Variants in IGFBP6 observed in about 807,000 individuals in gnomAD.
IGFBP6 encodes insulin like growth factor binding protein 6.
Under a neutral mutation model 24.5 loss-of-function variants are expected in IGFBP6, and 24 were observed. The observed-to-expected ratio is 0.98, with a 90% CI of 0.71 to 1.38. IGFBP6 has a LOEUF of 1.38. Among genes scored for constraint, IGFBP6 ranks in the 40% most tolerant of loss-of-function variants. The pLI is 0.00. For missense variants in IGFBP6, 331 were observed against 324.8 expected, an observed-to-expected ratio of 1.02 and a Z score of -0.15; for synonymous variants, 147 against 137.4, an observed-to-expected ratio of 1.07 and a Z score of -0.49.
At position 53,097,923 on chromosome 12, in the gene IGFBP6, A is replaced by G; in HGVS notation, c.206A>G (p.Gln69Arg). The change falls in exon 1 of 4, where the codon CAG (glutamine) becomes CGG (arginine). Residue 69 changes from glutamine to arginine, a missense_variant. Coordinates refer to ENST00000301464, the MANE Select transcript of IGFBP6 (RefSeq NM_002178.3). ...GAGGGCTGTCTCAGGAGGGAGGGGC[A>G]GGAGTGCGGGGTCTACACCCCTAAC... ...EAEGCLRREG[Q>R]ECGVYTPNCA... The G allele has an allele frequency of 6.6e-7, 1 of 1,514,350 alleles. No homozygotes were observed. The highest frequency in any genetic ancestry group is 2.5e-5 in the East Asian group (1 of 40,268). 93.8% of individuals were successfully genotyped at this position (1,514,350 alleles called of 1,614,324 possible).
chr12:53,100,700 TTCC>T lies in IGFBP6; in HGVS notation c.335-5_335-3del. 6.2e-7 allele frequency: 1 copy of T among 1,613,794 alleles called. No homozygotes were observed. The highest frequency in any genetic ancestry group is 2.2e-5 in the East Asian group (1 of 44,884). On this transcript the variant is annotated splice_polypyrimidine_tract_variant and intron_variant, in intron 1 of 3. Coordinates refer to ENST00000301464, the MANE Select transcript of IGFBP6 (RefSeq NM_002178.3). ...TGATTTCTGACCTCTCCTTCTCCTA[TTCC>T]TCCTCCAGTTGCAGAGGAGAATCCT...
At position 53,098,050 on chromosome 12, in the gene IGFBP6, TG is replaced by T; in HGVS notation, c.334+1del. ...GRCLPARAPA[V>X]AEENPKESKP... is the part of the protein sequence containing the mutation. The stretch of plus-strand genomic sequence containing the variant: ...GCTGCCTTCCGGCCCGCGCGCCTGC[TG>T]GTGAGTCCGCGCCCCGCCCCTGCCC... On this transcript the variant is annotated frameshift_variant and splice_region_variant, in exon 1 of 4. Transcript: ENST00000301464. LOFTEE classifies it high-confidence loss of function. 1 of 1,444,566 alleles carries T rather than the reference TG, an allele frequency of 6.9e-7. No individual in the cohort carries two copies. The highest frequency in any genetic ancestry group is 2.7e-5 in the Admixed American group (1 of 36,866). The allele number at this position is 1,444,566 out of a possible 1,614,324, so 89.5% of individuals were successfully genotyped here.
intron 1 of IGFBP6, among the ~76,000 whole-genome samples, chr12:53,099,807 A>AGTAATTAATTAT (rs1937797392): frequency 6.6e-6 from 1 of 151,184 alleles, no homozygotes; most frequent in Non-Finnish European, 1.5e-5. Flanking sequence ...TAATTAATTA[A>AGTAATTAATTAT]TTTTTTAAAA....
intron 1 of IGFBP6, among the ~76,000 whole-genome samples, chr12:53,099,497 G>C (rs1937792384): frequency 6.6e-6 from 1 of 152,200 alleles, no homozygotes; most frequent in Non-Finnish European, 1.5e-5. Context: ...TCTCAGGCCT[G>C]GGAGGGGTGG....
Position 53,102,170 on chromosome 12 carries a change from C to G in IGFBP6, c.*3C>G, listed in dbSNP as rs1937842865. ...GCCCCACTGGGAGTAGCGGCTAAAGCTGGGGGATAGAGGGGCTGCAGGGCC... is the reference window on the plus strand; with the variant it reads ...GCCCCACTGGGAGTAGCGGCTAAAGGTGGGGGATAGAGGGGCTGCAGGGCC... On this transcript the variant is annotated 3_prime_UTR_variant, in exon 4 of 4. Transcript: ENST00000301464. The G allele has an allele frequency of 3.1e-6, 5 of 1,613,720 alleles. No individual in the cohort carries two copies. The highest frequency in any genetic ancestry group is 4.2e-6 in the Non-Finnish European group (5 of 1,179,892).
intron 2 of IGFBP6, 80 bp downstream of exon 2, chr12:53,100,937 A>G: frequency 6.2e-7 from 1 of 1,606,142 alleles, no homozygotes; most frequent in Non-Finnish European, 8.5e-7. Context: ...TTGGGCTTGG[A>G]GACGTCTCCA....
intron 1 of IGFBP6, 117 bp from the exon 2 acceptor site, chr12:53,100,595 T>A: frequency 1.1e-6 from 1 of 891,458 alleles, no homozygotes; most frequent in South Asian, 1.5e-5. Context: ...GCCAGCATCA[T>A]GCAACAGCGG....
chr12:53,101,121 G>T lies in IGFBP6; in HGVS notation c.561G>T (p.Val187=), dbSNP rs1400569748. ...EVYRGAQTLY[V]PNCDHRGFYR... ...ACCGAGGGGCTCAAACACTCTACGT[G>T]CCCAATTGTGACCATCGAGGCTTCT... The change falls in exon 3 of 4, where the codon GTG becomes GTT. Residue 187 remains valine, a synonymous_variant. Coordinates refer to ENST00000301464, the MANE Select transcript of IGFBP6 (RefSeq NM_002178.3). 2 of 1,614,166 alleles carry T rather than the reference G, an allele frequency of 1.2e-6. No individual in the cohort carries two copies. The highest frequency in any genetic ancestry group is 8.5e-7 in the Non-Finnish European group (1 of 1,180,016).
rs17123172 is a variant in IGFBP6, at chr12:53,100,604, G to A, written c.335-108G>A. 3.9e-3 allele frequency: 3,883 copies of A among 991,842 alleles called. 99 individuals carry two copies. In the African/African-American group the frequency reaches 0.056, roughly 14 times the overall value. 61.4% of individuals were successfully genotyped at this position (991,842 alleles called of 1,614,324 possible). A position where few individuals can be genotyped will look rare whatever the true frequency, so the allele number is the denominator to read the frequency against. ...ACTAGGGCCAGCATCATGCAACAGC[G>A]GGGCATAAGGCCCTCCCTTCCTTAC... On this transcript the variant is annotated intron_variant, in intron 1 of 3. Transcript: ENST00000301464.
intron 2 of IGFBP6, 32 bp from the exon 3 acceptor site, chr12:53,101,009 C>T (rs376932460): frequency 3.1e-6 from 5 of 1,608,860 alleles, no homozygotes; most frequent in East Asian, 2.2e-5. Flanking sequence ...TGGGCTGGAG[C>T]GGTTCTAAGC....
chr12:53,102,258 G>A lies in IGFBP6; in HGVS notation c.*91G>A. On this transcript the variant is annotated 3_prime_UTR_variant, in exon 4 of 4. Coordinates refer to ENST00000301464, the MANE Select transcript of IGFBP6 (RefSeq NM_002178.3). ...AACCGAGGCCCTCAATCCACCTTCA[G>A]GCCCCGCCCCATGGGCCCCTCACCG... The A allele has an allele frequency of 4.1e-6, 6 of 1,467,698 alleles. No homozygotes were observed. The highest frequency in any genetic ancestry group is 5.6e-6 in the Non-Finnish European group (6 of 1,080,288). 90.9% of individuals were successfully genotyped at this position (1,467,698 alleles called of 1,614,324 possible).
chr12:53,099,257 C>A (rs980269941), intron 1 of IGFBP6: 2 of 452,364 alleles, frequency 4.4e-6, no homozygotes, highest in Non-Finnish European at 4.4e-6. Flanking sequence ...ATTTCCTCAC[C>A]CCTTCCCAGT....
chr12:53,100,776 C>A lies in IGFBP6; in HGVS notation c.399C>A (p.Asn133Lys). 1 of 1,614,204 alleles carries A rather than the reference C, an allele frequency of 6.2e-7. No homozygotes were observed. Among genetic ancestry groups the A allele is most frequent in the South Asian group, 1.1e-5 (1 of 91,092 alleles). The stretch of plus-strand genomic sequence containing the variant: ...GCACTGCCCGCCCACAGGATGTGAA[C>A]CGCAGAGACCAACAGAGGAATCCAG... ...QAGTARPQDVNRRDQQRNPGT... is the reference protein window; with the variant it reads ...QAGTARPQDVKRRDQQRNPGT... Residue 133 changes from asparagine (N) to lysine (K), a missense_variant, in exon 2 of 4, where the codon AAC becomes AAA. Transcript: ENST00000301464.
chr12:53,097,798 G>T lies in IGFBP6; in HGVS notation c.81G>T (p.Ala27=). The T allele has an allele frequency of 1.3e-6, 2 of 1,543,592 alleles. No individual in the cohort carries two copies. Among genetic ancestry groups the T allele is most frequent in the Non-Finnish European group, 1.7e-6 (2 of 1,145,986 alleles). Residue 27 remains alanine (A), a synonymous_variant, in exon 1 of 4, where the codon GCG becomes GCT. Transcript: ENST00000301464. ...CTGCCAGCCCAGGAGGCGCCTTGGCGCGGTGCCCAGGCTGCGGGCAAGGGG... is the reference window on the plus strand; with the variant it reads ...CTGCCAGCCCAGGAGGCGCCTTGGCTCGGTGCCCAGGCTGCGGGCAAGGGG... ...LLAASPGGAL[A]RCPGCGQGVQ...
chr12:53,101,854 A>G (rs1255207745), intron 3 of IGFBP6, among the ~76,000 whole-genome samples, 191 bp from the exon 4 acceptor site: 3 of 140,016 alleles, frequency 2.1e-5, no homozygotes, highest in African/African-American at 2.7e-5. Context: ...AGCAGAGATC[A>G]TGCCAATGCA....
chr12:53,097,996 T>C lies in IGFBP6; in HGVS notation c.279T>C (p.Pro93=), dbSNP rs1419141429. Residue 93 remains proline (P), a synonymous_variant, in exon 1 of 4, where the codon CCT becomes CCC. Transcript: ENST00000301464. ...ATCCGCCCAAGGACGACGAGGCGCC[T>C]TTGCGGGCGCTGCTGCTCGGCCGAG... The part of the protein sequence containing the change: ...QCHPPKDDEA[P]LRALLLGRGR... The C allele has an allele frequency of 6.6e-7, 1 of 1,515,810 alleles. No homozygotes were observed. The highest frequency in any genetic ancestry group is 2.1e-5 in the Admixed American group (1 of 48,468). The allele number at this position is 1,515,810 out of a possible 1,614,324, so 93.9% of individuals were successfully genotyped here.
At position 53,100,832 on chromosome 12, in the gene IGFBP6, C is replaced by A; in HGVS notation, c.455C>A (p.Ser152Tyr). 6.2e-7 allele frequency: 1 copy of A among 1,614,226 alleles called. No homozygotes were observed. Among genetic ancestry groups the A allele is most frequent in the Non-Finnish European group, 8.5e-7 (1 of 1,180,052 alleles). The change falls in exon 2 of 4, where the codon TCT (serine) becomes TAT (tyrosine). Residue 152 changes from serine (S) to tyrosine (Y), a missense_variant. Coordinates refer to ENST00000301464, the MANE Select transcript of IGFBP6 (RefSeq NM_002178.3). ...GTSTTPSQPNSAGVQDTEMGP... is the reference protein window; with the variant it reads ...GTSTTPSQPNYAGVQDTEMGP... ...TCTACCACGCCCTCCCAGCCCAATTCTGCGGGTGTCCAAGACACTGAGATG... is the reference window on the plus strand; with the variant it reads ...TCTACCACGCCCTCCCAGCCCAATTATGCGGGTGTCCAAGACACTGAGATG...
In IGFBP6 at chr12:53,102,066, C is replaced by T. The variant is rs746399028; in HGVS notation, c.622C>T (p.Arg208Cys). The stretch of plus-strand genomic sequence containing the variant: ...CCAGTGCCGCTCCTCCCAGGGGCAG[C>T]GCCGAGGTCCCTGCTGGTGTGTGGA... ...KRQCRSSQGQ[R>C]RGPCWCVDRM... Residue 208 changes from arginine to cysteine, a missense_variant, in exon 4 of 4, where the codon CGC becomes TGC. Transcript: ENST00000301464. 8.7e-6 allele frequency: 14 copies of T among 1,613,838 alleles called. No homozygotes were observed. Among genetic ancestry groups the T allele is most frequent in the South Asian group, 3.3e-5 (3 of 91,072 alleles).
At chr12:53,101,202 C>T in intron 3 of IGFBP6, 42 bp downstream of exon 3, 1 of 1,604,018 alleles carries the variant, frequency 6.2e-7, no homozygotes, top group Non-Finnish European at 8.5e-7. Flanking sequence ...GCAGAAGGCT[C>T]CTGCCAGGGA....
Sources: gnomAD v4.1 joint callset for allele counts (sites outside exome capture counted in the v4.1 genomes callset) on GRCh38, gnomAD v4.1.1 for gene constraint, MANE v1.5 for transcripts, NCBI Gene and HGNC (gene_info 2026-07-23, HGNC 2026-07-21) for gene names.